CARMIL1: variants seen among roughly 807,000 people sequenced by gnomAD.
CARMIL1 encodes F-actin-uncapping protein LRRC16A.
In CARMIL1, 90 loss-of-function variants were observed where a neutral mutation model predicts 177.1. That is an observed-to-expected ratio of 0.51 (90% confidence interval 0.43 to 0.61). CARMIL1 has a LOEUF of 0.61. CARMIL1 is among the 20% of genes least tolerant of loss of function. The pLI is 0.00. For missense variants in CARMIL1, 1,380 were observed against 1,667.0 expected (o/e 0.83, Z 3.00); for synonymous variants, 577 against 606.2 (o/e 0.95, Z 0.71).
At chr6:25,335,124 T>G (rs533768969) in intron 2 of CARMIL1, among the ~76,000 whole-genome samples, 1 of 152,342 alleles carries the variant, frequency 6.6e-6, no homozygotes, top group South Asian at 2.1e-4. Flanking sequence ...GTTATGCTTT[T>G]TTCTTTCAAT....
At chr6:25,369,675 C>T (rs1232564394) in intron 2 of CARMIL1, among the ~76,000 whole-genome samples, 4 of 152,154 alleles carry the variant, frequency 2.6e-5, no homozygotes, top group Non-Finnish European at 4.4e-5. Flanking sequence ...CCAGAACTCT[C>T]GTAGGCTAGG....
chr6:25,404,171 T>A (rs1396311752), intron 2 of CARMIL1, among the ~76,000 whole-genome samples: 2 of 152,018 alleles, frequency 1.3e-5, no homozygotes, highest in Non-Finnish European at 1.5e-5. Context: ...TCCATTTCTC[T>A]CCTGCCTGCA....
intron 2 of CARMIL1, among the ~76,000 whole-genome samples, chr6:25,377,927 A>G (rs1474726752): frequency 2.6e-5 from 4 of 152,118 alleles, no homozygotes; most frequent in African/African-American, 9.7e-5. Flanking sequence ...CTGGTGTCTC[A>G]GGCAATTGGT....
chr6:25,481,195 A>C (rs76622600), intron 11 of CARMIL1, among the ~76,000 whole-genome samples: 1,680 of 152,202 alleles, frequency 0.011, 27 homozygotes, highest in African/African-American at 0.038. Flanking sequence ...AGTCTCTAGA[A>C]ATACTCCGAT....
intron 3 of CARMIL1, among the ~76,000 whole-genome samples, chr6:25,425,885 T>G (rs888905756): frequency 6.6e-6 from 1 of 152,328 alleles, no homozygotes; most frequent in Non-Finnish European, 1.5e-5. Context: ...TATAGATTTA[T>G]TTCTCTAAAT....
At chr6:25,551,318 C>G (rs1313386613) in intron 27 of CARMIL1, among the ~76,000 whole-genome samples, 1 of 152,138 alleles carries the variant, frequency 6.6e-6, no homozygotes, top group Non-Finnish European at 1.5e-5. Context: ...ATTATCTGCT[C>G]TGTTTAAAGG....
At chr6:25,573,971 G>C (rs1812356495) in intron 29 of CARMIL1, among the ~76,000 whole-genome samples, 1 of 152,160 alleles carries the variant, frequency 6.6e-6, no homozygotes, top group African/African-American at 2.4e-5. Context: ...CACTTCCACA[G>C]AGCAGCACTA....
At chr6:25,521,769 CAAA>C (rs34016230) in intron 23 of CARMIL1, among the ~76,000 whole-genome samples, 3 of 94,026 alleles carry the variant, frequency 3.2e-5, no homozygotes, top group Admixed American at 2.2e-4. Flanking sequence ...GATTCCATCT[CAAA>C]AAAAAAAAAA....
At chr6:25,606,492 A>G (rs1319277591) in intron 35 of CARMIL1, among the ~76,000 whole-genome samples, 1 of 152,014 alleles carries the variant, frequency 6.6e-6, no homozygotes, top group Non-Finnish European at 1.5e-5. Context: ...AGAGTTGGGG[A>G]CTCTGAGACT....
chr6:25,527,062 G>A (rs1200220905), intron 23 of CARMIL1, among the ~76,000 whole-genome samples: 2 of 151,920 alleles, frequency 1.3e-5, no homozygotes, highest in Admixed American at 6.6e-5. Flanking sequence ...TGCTTCTTTC[G>A]CTGGTGCTGT....
intron 9 of CARMIL1, among the ~76,000 whole-genome samples, chr6:25,467,249 G>A (rs544667048): frequency 6.6e-6 from 1 of 152,260 alleles, no homozygotes; most frequent in East Asian, 1.9e-4. Context: ...TAGCCATTAT[G>A]GGAGACCTAA....
chr6:25,447,656 T>C (rs1477833305), intron 5 of CARMIL1, among the ~76,000 whole-genome samples: 1 of 152,050 alleles, frequency 6.6e-6, no homozygotes, highest in East Asian at 1.9e-4. Context: ...CTACTTCCAC[T>C]TGCTTTTGTG....
chr6:25,544,707 G>A (rs1809276756), intron 26 of CARMIL1, among the ~76,000 whole-genome samples: 1 of 151,862 alleles, frequency 6.6e-6, no homozygotes, highest in South Asian at 2.1e-4. Context: ...TGTAGTCTGA[G>A]CTACAAGAAA....
At chr6:25,348,417 C>A (rs544898671) in intron 2 of CARMIL1, among the ~76,000 whole-genome samples, 1 of 151,804 alleles carries the variant, frequency 6.6e-6, no homozygotes, top group South Asian at 2.1e-4. Context: ...CAGGCGTGAG[C>A]CACTGTGCCT....
chr6:25,611,111 A>G (rs1295269860), intron 36 of CARMIL1, among the ~76,000 whole-genome samples: 1 of 152,182 alleles, frequency 6.6e-6, no homozygotes, highest in Non-Finnish European at 1.5e-5. Context: ...GTTGAAGTTA[A>G]TAGAAAGTGT....
chr6:25,505,986 A>G (rs929556349), intron 17 of CARMIL1, among the ~76,000 whole-genome samples: 5 of 152,194 alleles, frequency 3.3e-5, no homozygotes, highest in Non-Finnish European at 7.3e-5. Context: ...ATGATCCTAC[A>G]GTTTATTGCA....
chr6:25,299,978 CAAA>C (rs201932888), intron 2 of CARMIL1, among the ~76,000 whole-genome samples: 9 of 96,348 alleles, frequency 9.3e-5, no homozygotes, highest in Non-Finnish European at 4.4e-5. Flanking sequence ...GACTCCACCT[CAAA>C]AAAAAAAAAA....
rs1300883762 is a variant in CARMIL1 at position 25,482,340 on chromosome 6, A to G, written c.958A>G (p.Lys320Glu). 5.3e-6 allele frequency: 8 copies of G among 1,509,488 alleles called. No individual in the cohort carries two copies. The highest frequency in any genetic ancestry group is 1.8e-5 in the Admixed American group (1 of 54,708). 93.5% of individuals were successfully genotyped at this position (1,509,488 alleles called of 1,614,324 possible). ...LNLSKTSLSP[K>E]GVNSLSQSLS... ...TTTATCTAAAACCTCATTATCACCT[A>G]AAGGTACAGTATTTCTTATTTACCT... The change falls in exon 12 of 37, where the codon AAA becomes GAA. Residue 320 changes from lysine to glutamate, a missense_variant. Coordinates refer to ENST00000329474, the MANE Select transcript of CARMIL1 (RefSeq NM_017640.6).
Position 25,600,538 on chromosome 6 carries a change from A to G in CARMIL1, c.3344A>G (p.Glu1115Gly). The change falls in exon 33 of 37, where the codon GAG becomes GGG. Residue 1115 changes from glutamate (E) to glycine (G), a missense_variant. By Grantham distance (98) the Glu-to-Gly change is moderately conservative (BLOSUM62 -2). Transcript: ENST00000329474. Reference protein sequence around the residue: ...DCPRKDTKAAEHNGNSERIEE... With the variant: ...DCPRKDTKAAGHNGNSERIEE... The stretch of plus-strand genomic sequence containing the variant: ...CCCAGGAAGGACACAAAGGCCGCCG[A>G]GCACAATGGCAATTCTGAACGGATA... The G allele has an allele frequency of 6.2e-7, 1 of 1,614,062 alleles. No individual in the cohort carries two copies. Among genetic ancestry groups the G allele is most frequent in the Non-Finnish European group, 8.5e-7 (1 of 1,179,898 alleles).
Sources: gnomAD v4.1 joint callset for allele counts (sites outside exome capture counted in the v4.1 genomes callset) on GRCh38, gnomAD v4.1.1 for gene constraint, MANE v1.5 for transcripts, NCBI Gene and HGNC (gene_info 2026-07-23, HGNC 2026-07-21) for gene names.